IL15: variants seen among roughly 807,000 people sequenced by gnomAD.
The protein encoded by IL15 is interleukin-15.
In IL15, 11 loss-of-function variants were observed where a neutral mutation model predicts 19.6. The ratio of observed to expected loss-of-function variants is 0.56; its 90% CI spans 0.35 to 0.93. The LOEUF is 0.93. IL15 is among the 40% of genes least tolerant of loss of function. The pLI, the probability that IL15 is intolerant of heterozygous loss-of-function variation, is 0.01. For missense variants in IL15, 197 were observed against 186.5 expected (o/e 1.06, Z -0.33); for synonymous variants, 58 against 59.6 (o/e 0.97, Z 0.12).
intron 2 of IL15, among the ~76,000 whole-genome samples, chr4:141,687,058 C>T (rs1728735600): frequency 6.6e-6 from 1 of 152,170 alleles, no homozygotes; most frequent in Non-Finnish European, 1.5e-5. Context: ...ATGCCACATT[C>T]TGACTTCCTC....
chr4:141,708,414 CTATCATCT>C (rs1411536697), intron 2 of IL15, among the ~76,000 whole-genome samples: 1 of 152,042 alleles, frequency 6.6e-6, no homozygotes, highest in African/African-American at 2.4e-5. Context: ...CCATTGAGCT[CTATCATCT>C]TAGGCCTTAA....
intron 1 of IL15, among the ~76,000 whole-genome samples, chr4:141,646,909 C>T (rs971362314): frequency 1.3e-5 from 2 of 151,982 alleles, no homozygotes; most frequent in African/African-American, 4.8e-5. Context: ...CCTATTAGTG[C>T]TAGGCATATG....
intron 1 of IL15, among the ~76,000 whole-genome samples, chr4:141,653,059 G>C (rs570474223): frequency 3.3e-5 from 5 of 152,142 alleles, no homozygotes; most frequent in African/African-American, 9.6e-5. Flanking sequence ...ATAGAGACTG[G>C]TGTCAAAAAA....
At chr4:141,707,111 CTG>C (rs1337818110) in intron 2 of IL15, among the ~76,000 whole-genome samples, 1 of 152,014 alleles carries the variant, frequency 6.6e-6, no homozygotes, top group Non-Finnish European at 1.5e-5. Flanking sequence ...GTTCTTATTT[CTG>C]TGTTTTTCCT....
chr4:141,660,996 T>C (rs1727767679), intron 2 of IL15, among the ~76,000 whole-genome samples: 1 of 152,202 alleles, frequency 6.6e-6, no homozygotes, highest in South Asian at 2.1e-4. Context: ...CACAATCCTT[T>C]CTAGTTCTAT....
chr4:141,637,312 C>G (rs1039125898), intron 1 of IL15: 1 of 152,300 alleles, frequency 6.6e-6, no homozygotes, highest in African/African-American at 2.4e-5. Flanking sequence ...TCTATCCCTA[C>G]CTTTGCAAAA....
At chr4:141,716,067 T>C (rs1729873316) in intron 2 of IL15, 1 of 152,180 alleles carries the variant, frequency 6.6e-6, no homozygotes, top group Admixed American at 6.5e-5. Context: ...ATGAAAACTA[T>C]AGAGATGCCT....
intron 2 of IL15, among the ~76,000 whole-genome samples, chr4:141,675,443 A>G (rs1038478754): frequency 3.9e-5 from 6 of 152,200 alleles, no homozygotes; most frequent in African/African-American, 1.2e-4. Context: ...CTCCAGCACT[A>G]TAAGTCTCTG....
At chr4:141,694,271 G>A (rs1034121554) in intron 2 of IL15, among the ~76,000 whole-genome samples, 4 of 152,202 alleles carry the variant, frequency 2.6e-5, no homozygotes, top group African/African-American at 4.8e-5. Context: ...GAAGCAGAGC[G>A]ATAGTCACCT....
chr4:141,663,287 T>A (rs549209794), intron 2 of IL15, among the ~76,000 whole-genome samples: 1 of 152,336 alleles, frequency 6.6e-6, no homozygotes, highest in South Asian at 2.1e-4. Context: ...ATTTATGCTA[T>A]AGGGGCAGAA....
At chr4:141,722,363 A>G (rs73851518) in intron 5 of IL15, among the ~76,000 whole-genome samples, 4,055 of 152,140 alleles carry the variant, frequency 0.027, 185 homozygotes, top group African/African-American at 0.092. Flanking sequence ...CTCCCACCTC[A>G]AGAAAACAGG....
At chr4:141,690,933 A>G (rs946648595) in intron 2 of IL15, among the ~76,000 whole-genome samples, 1 of 152,182 alleles carries the variant, frequency 6.6e-6, no homozygotes, top group Non-Finnish European at 1.5e-5. Context: ...TTTCTTCTGT[A>G]TTAGATTAAC....
chr4:141,730,554 C>G (rs1359216849), intron 7 of IL15, among the ~76,000 whole-genome samples: 1 of 152,120 alleles, frequency 6.6e-6, no homozygotes, highest in Admixed American at 6.5e-5. Context: ...AGTCTGTCTG[C>G]AGAGTCTGTT....
At chr4:141,673,768 G>A (rs1227311367) in intron 2 of IL15, among the ~76,000 whole-genome samples, 1 of 152,146 alleles carries the variant, frequency 6.6e-6, no homozygotes, top group Non-Finnish European at 1.5e-5. Flanking sequence ...TCTGACAGCA[G>A]TAGCATAGAT....
intron 2 of IL15, among the ~76,000 whole-genome samples, chr4:141,680,447 G>T (rs923017653): frequency 3.3e-5 from 5 of 152,128 alleles, no homozygotes; most frequent in Non-Finnish European, 7.4e-5. Flanking sequence ...TTCTGTTTCT[G>T]TCGAACACTT....
intron 4 of IL15, chr4:141,720,892 T>G (rs572839363): frequency 1.9e-6 from 1 of 535,582 alleles, no homozygotes; most frequent in Non-Finnish European, 3.3e-6. Flanking sequence ...TATTTAGAAT[T>G]TGCTTATGTT....
intron 2 of IL15, among the ~76,000 whole-genome samples, chr4:141,676,069 C>T (rs1728330677): frequency 6.6e-6 from 1 of 152,106 alleles, no homozygotes; most frequent in South Asian, 2.1e-4. Context: ...AGGAATTAAG[C>T]TGGTCTTTTT....
At chr4:141,656,147 A>G (rs1320388234) in intron 1 of IL15, 39 bp from the exon 2 acceptor site, 1 of 398,026 alleles carries the variant, frequency 2.5e-6, no homozygotes, top group Non-Finnish European at 4.4e-6. Flanking sequence ...CTCAATACAT[A>G]ATTATTAATC....
rs770468637 is a variant in IL15, at chr4:141,721,935, C to T, written c.122C>T (p.Ala41Val). 2.5e-5 allele frequency: 39 copies of T among 1,590,078 alleles called. No homozygotes were observed. The highest frequency in any genetic ancestry group is 3.4e-5 in the Non-Finnish European group (39 of 1,162,370). ...IHVFILGCFS[A>V]GLPKTEANWV... The stretch of plus-strand genomic sequence containing the variant: ...GGTTTTTCTTTCAGCTGTTTCAGTG[C>T]AGGGCTTCCTAAAACAGAAGCCAAC... Residue 41 changes from alanine to valine, a missense_variant, in exon 5 of 8, where the codon GCA becomes GTA. Ala to Val is a moderately conservative substitution (Grantham distance 64, BLOSUM62 0). Transcript: ENST00000320650.
Sources: allele counts gnomAD v4.1 joint callset (sites outside exome capture counted in the v4.1 genomes callset), GRCh38; gene constraint gnomAD v4.1.1; transcripts MANE v1.5; gene names NCBI Gene and HGNC (gene_info 2026-07-23, HGNC 2026-07-21).